PCSK5: variants seen among roughly 807,000 people sequenced by gnomAD.
PCSK5 encodes the protein proprotein convertase subtilisin/kexin type 5.
Under a neutral mutation model 233.2 loss-of-function variants are expected in PCSK5, and 129 were observed. That is an observed-to-expected ratio of 0.55 (90% CI 0.48 to 0.64). The LOEUF is 0.64. PCSK5 is among the 30% of genes least tolerant of loss of function. The pLI is 0.00. For missense variants in PCSK5, 2,076 were observed against 2,430.1 expected (o/e 0.85, Z 3.06); for synonymous variants, 825 against 879.2 (o/e 0.94, Z 1.09).
At chr9:76,208,776 G>A (rs1030114378) in intron 20 of PCSK5, among the ~76,000 whole-genome samples, 1 of 152,194 alleles carries the variant, frequency 6.6e-6, no homozygotes, top group African/African-American at 2.4e-5. Flanking sequence ...GATTGCTCAT[G>A]CGGTATTTTT....
chr9:75,900,571 C>T (rs372922827), intron 1 of PCSK5, among the ~76,000 whole-genome samples: 55 of 149,326 alleles, frequency 3.7e-4, no homozygotes, highest in African/African-American at 1.3e-3. Context: ...TGCAGCTACC[C>T]GGGAGGCTGA....
chr9:76,330,423 A>G (rs1272738085), intron 33 of PCSK5, among the ~76,000 whole-genome samples: 1 of 152,054 alleles, frequency 6.6e-6, no homozygotes, highest in East Asian at 1.9e-4. Context: ...CCACCAGGAG[A>G]GTAGACCTGA....
chr9:75,891,279 G>C lies in PCSK5; in HGVS notation c.98G>C (p.Arg33Pro). Reference protein sequence around the residue: ...GGCLLPVCRTRVYTNHWAVKI... With the variant: ...GGCLLPVCRTPVYTNHWAVKI... ...TGCCTGCTCCCCGTGTGTCGGACGC[G>C]CGTCTACACCAACCACTGGGCAGTC... is the stretch of plus-strand genomic sequence containing the variant. The change falls in exon 1 of 38, where the codon CGC becomes CCC. Residue 33 changes from arginine to proline, a missense_variant. Arg to Pro is a moderately radical substitution (Grantham distance 103). Coordinates refer to ENST00000674117, the MANE Select transcript of PCSK5 (RefSeq NM_001372043.1). 1 of 1,530,192 alleles carries C rather than the reference G, an allele frequency of 6.5e-7. No individual in the cohort carries two copies. The highest frequency in any genetic ancestry group is 8.7e-7 in the Non-Finnish European group (1 of 1,148,762). 94.8% of individuals were successfully genotyped at this position (1,530,192 alleles called of 1,614,324 possible).
chr9:75,932,443 C>T lies in PCSK5; in HGVS notation c.257C>T (p.Ser86Leu), dbSNP rs771011461. 12 of 1,613,028 alleles carry T rather than the reference C, an allele frequency of 7.4e-6. No homozygotes were observed. Among genetic ancestry groups the T allele is most frequent in the Middle Eastern group, 3.3e-4 (2 of 6,058 alleles). The change falls in exon 2 of 38, where the codon TCG (serine) becomes TTG (leucine). Residue 86 changes from serine (S) to leucine (L), a missense_variant. Physicochemically the swap from Ser to Leu is moderately radical, Grantham distance 145. Coordinates refer to ENST00000674117, the MANE Select transcript of PCSK5 (RefSeq NM_001372043.1). The part of the protein sequence containing the change: ...HSRTIKRSVI[S>L]SRGTHSFISM... The stretch of plus-strand genomic sequence containing the variant: ...AGGACGATTAAAAGGTCAGTTATCT[C>T]GAGCAGAGGGACCCACAGTTTCATT...
At chr9:76,143,919 C>T (rs900495866) in intron 10 of PCSK5, among the ~76,000 whole-genome samples, 3 of 151,930 alleles carry the variant, frequency 2.0e-5, no homozygotes, top group African/African-American at 2.4e-5. Context: ...CCATGACTTC[C>T]GAAAAGCCAT....
chr9:75,907,415 G>A (rs1268493442), intron 1 of PCSK5, among the ~76,000 whole-genome samples: 1 of 152,160 alleles, frequency 6.6e-6, no homozygotes, highest in Non-Finnish European at 1.5e-5. Context: ...CTATAAAGGG[G>A]TATGGTAAAA....
chr9:75,911,980 G>A lies in PCSK5; in HGVS notation c.193-20399G>A, dbSNP rs968600175. 3.3e-5 allele frequency among the ~76,000 whole-genome samples: 5 copies of A among 152,178 alleles called. No homozygotes were observed. The South Asian group carries it at 6.2e-4, about 19-fold the overall frequency. ...AAGGAGTTGCATAGAATTTGTGGTC[G>A]TATTTTGCAGTCTATCAAAGGAGAT... On this transcript the variant is annotated intron_variant, in intron 1 of 37. Transcript: ENST00000674117.
At chr9:76,087,607 A>G (rs757941104) in intron 7 of PCSK5, among the ~76,000 whole-genome samples, 66 of 152,174 alleles carry the variant, frequency 4.3e-4, no homozygotes, top group Admixed American at 1.4e-3. Context: ...TAGGCTCTCT[A>G]TTTTTTTGAA....
At chr9:75,952,614 T>C (rs2131327332) in intron 2 of PCSK5, among the ~76,000 whole-genome samples, 1 of 152,304 alleles carries the variant, frequency 6.6e-6, no homozygotes, top group East Asian at 1.9e-4. Flanking sequence ...TCCCTTTATA[T>C]TCAGCTTCTT....
chr9:76,085,079 T>C (rs1484632780), intron 7 of PCSK5, among the ~76,000 whole-genome samples: 1 of 152,140 alleles, frequency 6.6e-6, no homozygotes, highest in East Asian at 1.9e-4. Flanking sequence ...GTAAGAAAAA[T>C]GACTGTGGCA....
At chr9:76,278,079 C>T (rs1827747948) in intron 24 of PCSK5, among the ~76,000 whole-genome samples, 1 of 152,174 alleles carries the variant, frequency 6.6e-6, no homozygotes, top group African/African-American at 2.4e-5. Flanking sequence ...AGTAGGACAT[C>T]TCAACAGGGG....
intron 20 of PCSK5, among the ~76,000 whole-genome samples, chr9:76,200,225 T>A (rs1476947980): frequency 6.6e-6 from 1 of 152,250 alleles, no homozygotes; most frequent in Non-Finnish European, 1.5e-5. Flanking sequence ...ATCTTTGTGC[T>A]GTCACCTCAC....
chr9:75,986,368 C>A lies in PCSK5; in HGVS notation c.411+123C>A, dbSNP rs145069220. 1.5e-4 allele frequency: 95 copies of A among 633,414 alleles called. No individual in the cohort carries two copies. The African/African-American group carries it at 1.6e-3, about 10-fold the overall frequency. 39.2% of individuals were successfully genotyped at this position (633,414 alleles called of 1,614,324 possible). ...CCAGGGATTGTTTCCTATTTTAATACCCACCATTTGAGATTGGTTAATGGC... is the reference window on the plus strand; with the variant it reads ...CCAGGGATTGTTTCCTATTTTAATAACCACCATTTGAGATTGGTTAATGGC... On this transcript the variant is annotated intron_variant, in intron 3 of 37. Transcript: ENST00000674117.
Position 76,337,577 on chromosome 9 carries a change from G to A in PCSK5, c.4749-653G>A, listed in dbSNP as rs181177126. Among the ~76,000 whole-genome samples, 6 of 152,048 alleles carry A rather than the reference G, an allele frequency of 3.9e-5. No homozygotes were observed. In the East Asian group the frequency reaches 7.7e-4, roughly 20 times the overall value. Reference sequence around the variant, plus strand: ...CAACCTCCACCACCCAGGTTCAAACGATTCTCCTGCATCAGCCTCCCAAGT... The same window carrying A: ...CAACCTCCACCACCCAGGTTCAAACAATTCTCCTGCATCAGCCTCCCAAGT... On this transcript the variant is annotated intron_variant, in intron 34 of 37. Coordinates refer to ENST00000674117, the MANE Select transcript of PCSK5 (RefSeq NM_001372043.1).
intron 3 of PCSK5, among the ~76,000 whole-genome samples, chr9:75,988,930 GAGGAAGCCTCTAATCTATCCA>G (rs917646222): frequency 6.6e-6 from 1 of 152,178 alleles, no homozygotes; most frequent in Non-Finnish European, 1.5e-5. Context: ...ACGGTGCTGT[GAGGAAGCCTCTAATCTATCCA>G]AAGAGAAGTC....
chr9:76,236,974 A>G (rs1826269095), intron 22 of PCSK5, among the ~76,000 whole-genome samples: 1 of 152,222 alleles, frequency 6.6e-6, no homozygotes, highest in Non-Finnish European at 1.5e-5. Context: ...AAGCATCTGG[A>G]TCCTGAGTTG....
intron 1 of PCSK5, among the ~76,000 whole-genome samples, chr9:75,908,937 C>G (rs12339377): frequency 0.021 from 1,908 of 89,084 alleles, 31 homozygotes; most frequent in African/African-American, 0.042. Flanking sequence ...CTATCTCTCT[C>G]TCTGTCTATC....
intron 20 of PCSK5, chr9:76,194,744 C>T (rs941960851): frequency 1.5e-5 from 7 of 465,432 alleles, no homozygotes; most frequent in Admixed American, 4.8e-5. Context: ...TTGACAGTTT[C>T]TCTGTTTAGG....
chr9:75,938,076 TC>T (rs1028552030), intron 2 of PCSK5, among the ~76,000 whole-genome samples: 2 of 152,238 alleles, frequency 1.3e-5, no homozygotes, highest in African/African-American at 4.8e-5. Context: ...TAAGAACTTT[TC>T]CTTTGCAGTC....
Sources: gnomAD v4.1 joint callset for allele counts (sites outside exome capture counted in the v4.1 genomes callset) on GRCh38, gnomAD v4.1.1 for gene constraint, MANE v1.5 for transcripts, NCBI Gene and HGNC (gene_info 2026-07-23, HGNC 2026-07-21) for gene names.